The following EPHA5 variants were observed in gnomAD, a reference collection of about 807,000 sequenced individuals.
EPHA5 encodes the protein EPH receptor A5.
In EPHA5, 60 loss-of-function variants were observed where a neutral mutation model predicts 105.0. That is an observed-to-expected ratio of 0.57 (90% confidence interval 0.46 to 0.71). The LOEUF is 0.71. EPHA5 is among the 30% of genes least tolerant of loss of function. The pLI is 0.00. For synonymous variants in EPHA5, 513 were observed against 449.1 expected, an observed-to-expected ratio of 1.14 and a Z score of -1.80; for missense variants, 1,218 against 1,274.7, an observed-to-expected ratio of 0.96 and a Z score of 0.68.
intron 15 of EPHA5, 92 bp downstream of exon 15, chr4:65,335,840 G>T: frequency 7.8e-7 from 1 of 1,285,182 alleles, no homozygotes; most frequent in Non-Finnish European, 1.1e-6. Flanking sequence ...ACAGATTAAT[G>T]TCTATACGAG....
intron 5 of EPHA5, among the ~76,000 whole-genome samples, chr4:65,465,692 G>A (rs1026743168): frequency 2.0e-5 from 3 of 152,140 alleles, no homozygotes; most frequent in Admixed American, 6.5e-5. Flanking sequence ...TTCCCCTGCT[G>A]TTGGACTATG....
At chr4:65,390,369 T>A (rs1720586548) in intron 8 of EPHA5, among the ~76,000 whole-genome samples, 1 of 152,110 alleles carries the variant, frequency 6.6e-6, no homozygotes, top group Non-Finnish European at 1.5e-5. Flanking sequence ...TACTTTCACA[T>A]AGAAACACCA....
chr4:65,649,083 T>C (rs1313390584), intron 1 of EPHA5, among the ~76,000 whole-genome samples: 1 of 152,196 alleles, frequency 6.6e-6, no homozygotes, highest in Non-Finnish European at 1.5e-5. Context: ...TGGAAGAGTA[T>C]TTATTTTACA....
At chr4:65,567,965 T>C (rs1018318326) in intron 3 of EPHA5, among the ~76,000 whole-genome samples, 32 of 151,624 alleles carry the variant, frequency 2.1e-4, no homozygotes, top group African/African-American at 7.5e-4. Context: ...TATTGGCTAC[T>C]TTTCATACTC....
At chr4:65,558,197 A>G (rs1578419178) in intron 3 of EPHA5, among the ~76,000 whole-genome samples, 2 of 151,978 alleles carry the variant, frequency 1.3e-5, no homozygotes, top group East Asian at 1.9e-4. Context: ...AATCTGTAGT[A>G]CTCAGAAAAT....
rs965827447 is a variant in EPHA5, at chr4:65,397,702, T to A, written c.1793+6672A>T. Among the ~76,000 whole-genome samples the A allele has an allele frequency of 3.3e-5, 5 of 152,124 alleles. No homozygotes were observed. In the East Asian group the frequency reaches 7.8e-4, roughly 24 times the overall value. ...CTTGTAAAATGTGTTTCTTCTTGTC[T>A]TGAGGCCATCAAACTCCCAGCAGTC... On this transcript the variant is annotated intron_variant, in intron 8 of 16. Coordinates refer to ENST00000613740, the MANE Select transcript of EPHA5 (RefSeq NM_001281766.3).
chr4:65,585,600 G>A (rs1440492687), intron 3 of EPHA5, among the ~76,000 whole-genome samples: 1 of 151,448 alleles, frequency 6.6e-6, no homozygotes, highest in African/African-American at 2.4e-5. Context: ...TTGTTTCCAA[G>A]AACAAAGCAA....
intron 7 of EPHA5, among the ~76,000 whole-genome samples, chr4:65,404,852 A>C (rs1361115453): frequency 6.6e-6 from 1 of 152,124 alleles, no homozygotes; most frequent in African/African-American, 2.4e-5. Flanking sequence ...ATAAGATTTG[A>C]CATTTTTAGA....
At chr4:65,362,368 G>A (rs1385889754) in intron 11 of EPHA5, among the ~76,000 whole-genome samples, 3 of 151,642 alleles carry the variant, frequency 2.0e-5, no homozygotes, top group African/African-American at 7.2e-5. Flanking sequence ...TGAAATTAAG[G>A]ACACAAATAA....
At chr4:65,443,261 C>G (rs1726188280) in intron 5 of EPHA5, among the ~76,000 whole-genome samples, 1 of 151,828 alleles carries the variant, frequency 6.6e-6, no homozygotes, top group African/African-American at 2.4e-5. Context: ...TTTTCCCTAT[C>G]TGAATTACAT....
chr4:65,573,605 C>A, intron 3 of EPHA5: 5 of 1,599,398 alleles, frequency 3.1e-6, no homozygotes, highest in Non-Finnish European at 4.2e-6. Context: ...GCAACCCTGT[C>A]CTTGTCAGAG....
Position 65,323,958 on chromosome 4 carries a change from TA to T in EPHA5, c.*155del. On this transcript the variant is annotated 3_prime_UTR_variant, in exon 17 of 17. Coordinates refer to ENST00000613740, the MANE Select transcript of EPHA5 (RefSeq NM_001281766.3). ...AAGGACTAAGAACTGGATACTTCAG[TA>T]AAACCATGATTACAAATTCTGTGGC... 2 of 553,228 alleles carry T rather than the reference TA, an allele frequency of 3.6e-6. No individual in the cohort carries two copies. Among genetic ancestry groups the T allele is most frequent in the Non-Finnish European group, 3.2e-6 (1 of 311,104 alleles). 34.3% of individuals were successfully genotyped at this position (553,228 alleles called of 1,614,324 possible).
intron 3 of EPHA5, among the ~76,000 whole-genome samples, chr4:65,505,082 A>G (rs1332748944): frequency 6.6e-6 from 1 of 152,062 alleles, no homozygotes; most frequent in Non-Finnish European, 1.5e-5. Flanking sequence ...ATTTGGTTAC[A>G]TATTTCCCAC....
chr4:65,509,964 C>A (rs944452793), intron 3 of EPHA5, among the ~76,000 whole-genome samples: 1 of 150,498 alleles, frequency 6.6e-6, no homozygotes, highest in Non-Finnish European at 1.5e-5. Context: ...AGCCTTCTTA[C>A]AAATGTTCTA....
intron 8 of EPHA5, among the ~76,000 whole-genome samples, chr4:65,370,605 A>G (rs1273491770): frequency 6.6e-6 from 1 of 152,166 alleles, no homozygotes. Flanking sequence ...AGCCTTTATC[A>G]TTAAATAAGC....
chr4:65,479,327 G>A (rs2149182838), intron 5 of EPHA5, among the ~76,000 whole-genome samples: 1 of 152,176 alleles, frequency 6.6e-6, no homozygotes, highest in South Asian at 2.1e-4. Flanking sequence ...AGAAGAGATA[G>A]GATGGAAACC....
chr4:65,357,815 C>A (rs1327423268), intron 11 of EPHA5, among the ~76,000 whole-genome samples: 1 of 151,108 alleles, frequency 6.6e-6, no homozygotes. Context: ...AGGTGTATAG[C>A]TCAAGGTGTG....
chr4:65,398,134 G>A (rs1578014145), intron 8 of EPHA5, among the ~76,000 whole-genome samples: 1 of 152,184 alleles, frequency 6.6e-6, no homozygotes, highest in South Asian at 2.1e-4. Context: ...TCAGGGGCCT[G>A]AGAAGCCCCC....
chr4:65,590,934 G>A (rs546679040), intron 3 of EPHA5, among the ~76,000 whole-genome samples: 3 of 152,170 alleles, frequency 2.0e-5, no homozygotes, highest in Admixed American at 1.3e-4. Context: ...AGGTCAAAAA[G>A]TAAAACAAAG....
Sources: gnomAD v4.1 joint callset for allele counts (sites outside exome capture counted in the v4.1 genomes callset) on GRCh38, gnomAD v4.1.1 for gene constraint, MANE v1.5 for transcripts, NCBI Gene and HGNC (gene_info 2026-07-23, HGNC 2026-07-21) for gene names.